The following DHRS3 variants were observed in gnomAD, a reference collection of about 807,000 sequenced individuals.
The protein encoded by DHRS3 is dehydrogenase/reductase 3.
In DHRS3, 14 loss-of-function variants were observed where a neutral mutation model predicts 27.2. That is an observed-to-expected ratio of 0.52 (90% confidence interval 0.34 to 0.81). The LOEUF is 0.81. DHRS3 is among the 30% of genes least tolerant of loss of function. The probability of loss-of-function intolerance (pLI) is 0.01; values close to 1 mark genes in which losing one functional copy is unlikely to be tolerated. For missense variants in DHRS3, 322 were observed against 406.2 expected, an observed-to-expected ratio of 0.79 and a Z score of 1.78; for synonymous variants, 165 against 175.9, an observed-to-expected ratio of 0.94 and a Z score of 0.49.
At position 12,617,208 on chromosome 1, in the gene DHRS3, C is replaced by T. The variant is rs1646950157; in HGVS notation, c.141G>A (p.Gly47=). ...SRENVLITGG[G]RGIGRQLARE... The stretch of plus-strand genomic sequence containing the variant: ...GGGCGAGCTGACGCCCGATGCCTCT[C>T]CCGCCGCCGGTGATGAGGACGTTCT... Residue 47 remains glycine (G), a synonymous_variant, in exon 1 of 6, where the codon GGG becomes GGA. Coordinates refer to ENST00000616661, the MANE Select transcript of DHRS3 (RefSeq NM_004753.7). 1 of 1,613,392 alleles carries T rather than the reference C, an allele frequency of 6.2e-7. No homozygotes were observed. The highest frequency in any genetic ancestry group is 8.5e-7 in the Non-Finnish European group (1 of 1,179,900).
At position 12,568,188 on chromosome 1, in the gene DHRS3, G is replaced by T; in HGVS notation, c.*152C>A. 1 of 718,636 alleles carries T rather than the reference G, an allele frequency of 1.4e-6. No individual in the cohort carries two copies. Among genetic ancestry groups the T allele is most frequent in the Non-Finnish European group, 2.4e-6 (1 of 413,150 alleles). 44.5% of individuals were successfully genotyped at this position (718,636 alleles called of 1,614,324 possible). A position where few individuals can be genotyped will look rare whatever the true frequency, so the allele number is the denominator to read the frequency against. ...CATCAGTCCTGTGCAAAGGTCCTGG[G>T]ACTGGCCCAGGGGCAGCCGGATTCT... On this transcript the variant is annotated 3_prime_UTR_variant, in exon 6 of 6. Coordinates refer to ENST00000616661, the MANE Select transcript of DHRS3 (RefSeq NM_004753.7).
Position 12,591,580 on chromosome 1 carries a change from T to G in DHRS3, c.196-10914A>C, listed in dbSNP as rs1473890480. Among the ~76,000 whole-genome samples the G allele has an allele frequency of 6.6e-6, 1 of 152,214 alleles. No individual in the cohort carries two copies. Among genetic ancestry groups the G allele is most frequent in the Non-Finnish European group, 1.5e-5 (1 of 68,038 alleles). ...TGGGAGGCACAGGAATGACAGTAGC[T>G]CTGACATGCACGTGGGGCTCACTAG... On this transcript the variant is annotated intron_variant, in intron 1 of 5. Coordinates refer to ENST00000616661, the MANE Select transcript of DHRS3 (RefSeq NM_004753.7). The surrounding 1 kb of genome is among the most constrained non-coding windows in gnomAD (Gnocchi z 4.1).
In DHRS3 at chr1:12,577,857, G is replaced by A. The variant is rs142946624; in HGVS notation, c.698+861C>T. Among the ~76,000 whole-genome samples, 212 of 152,220 alleles carry A rather than the reference G, an allele frequency of 1.4e-3. 1 individual carries two copies. The highest frequency in any genetic ancestry group is 2.7e-3 in the South Asian group (13 of 4,818). On this transcript the variant is annotated intron_variant, in intron 4 of 5. Transcript: ENST00000616661. ...CTAAATAAACAAACAAATAAATTGA[G>A]CTATAATTTGCATATAACAAAAGGT...
Position 12,618,121 on chromosome 1 carries a change from G to A in DHRS3, c.-773C>T, listed in dbSNP as rs552081387. 9.2e-5 allele frequency among the ~76,000 whole-genome samples: 14 copies of A among 152,100 alleles called. 1 individual carries two copies. Among genetic ancestry groups the A allele is most frequent in the Admixed American group, 7.2e-4 (11 of 15,286 alleles). On this transcript the variant is annotated 5_prime_UTR_variant, in exon 1 of 6. Transcript: ENST00000616661. The surrounding 1 kb of genome is among the most constrained non-coding windows in gnomAD (Gnocchi z 4.2). Reference sequence around the variant, plus strand: ...AGGCTGGGAGTTGCCGCTCGATCCAGCTCCCCTTCTCTCCCTTTTTAGCAT... The same window carrying A: ...AGGCTGGGAGTTGCCGCTCGATCCAACTCCCCTTCTCTCCCTTTTTAGCAT...
chr1:12,585,132 A>AGT (rs1208411271), intron 1 of DHRS3, among the ~76,000 whole-genome samples: 14 of 78,366 alleles, frequency 1.8e-4, no homozygotes, highest in African/African-American at 5.8e-4. Flanking sequence ...TGTGAGAGAG[A>AGT]GTGTGTGTGT....
At chr1:12,612,032 T>C (rs930969594) in intron 1 of DHRS3, among the ~76,000 whole-genome samples, 2 of 152,094 alleles carry the variant, frequency 1.3e-5, no homozygotes, top group African/African-American at 4.8e-5. Flanking sequence ...GTAGACACCT[T>C]TGTTCCCCCA....
intron 1 of DHRS3, among the ~76,000 whole-genome samples, chr1:12,583,607 ATCC>A (rs1646666494): frequency 1.5e-5 from 2 of 136,520 alleles, no homozygotes; most frequent in Admixed American, 7.2e-5. Flanking sequence ...CCATCCATCC[ATCC>A]ATCCATCCAT....
chr1:12,612,602 C>G (rs1411070623), intron 1 of DHRS3, among the ~76,000 whole-genome samples: 1 of 152,206 alleles, frequency 6.6e-6, no homozygotes, highest in African/African-American at 2.4e-5. Context: ...CTCCTCTGTG[C>G]TTCCACTGTG....
chr1:12,617,126 C>G (rs771836777), intron 1 of DHRS3, 28 bp downstream of exon 1: 5 of 1,596,774 alleles, frequency 3.1e-6, no homozygotes, highest in Non-Finnish European at 4.3e-6. Context: ...TGCGGCCCCC[C>G]ACTCCCTGGA....
rs80025746 is a variant in DHRS3 at position 12,592,508 on chromosome 1, C to T, written c.196-11842G>A. Among the ~76,000 whole-genome samples, 33 of 152,254 alleles carry T rather than the reference C, an allele frequency of 2.2e-4. No individual in the cohort carries two copies. Among genetic ancestry groups the T allele is most frequent in the African/African-American group, 7.5e-4 (31 of 41,552 alleles). On this transcript the variant is annotated intron_variant, in intron 1 of 5. Transcript: ENST00000616661. The surrounding 1 kb of genome is among the most constrained non-coding windows in gnomAD (Gnocchi z 4.2). Reference sequence around the variant, plus strand: ...GGCAGTGAGGCGGCCACAAGCCACGCGATGCCAGGAGCTGCCAAGAGCCAC... The same window carrying T: ...GGCAGTGAGGCGGCCACAAGCCACGTGATGCCAGGAGCTGCCAAGAGCCAC...
intron 1 of DHRS3, among the ~76,000 whole-genome samples, chr1:12,590,516 G>T (rs1011750210): frequency 6.6e-6 from 1 of 151,972 alleles, no homozygotes; most frequent in Non-Finnish European, 1.5e-5. Flanking sequence ...CTCCATGTTG[G>T]CCAAGCTGGT....
At chr1:12,581,516 G>A (rs1646643679) in intron 1 of DHRS3, among the ~76,000 whole-genome samples, 1 of 152,198 alleles carries the variant, frequency 6.6e-6, no homozygotes, top group Non-Finnish European at 1.5e-5. Flanking sequence ...CCACTGAGAA[G>A]GAAGCATGGC....
At position 12,574,917 on chromosome 1, in the gene DHRS3, C is replaced by T. The variant is rs188443853; in HGVS notation, c.699-2064G>A. ...AACTTTGCTTCTCTGAGCCTCAGTT[C>T]CCTCATCTGTAAAATGGGAATAAAA... On this transcript the variant is annotated intron_variant, in intron 4 of 5. Transcript: ENST00000616661. The surrounding 1 kb of genome is among the most constrained non-coding windows in gnomAD (Gnocchi z 4.6). Among the ~76,000 whole-genome samples, 56 of 152,248 alleles carry T rather than the reference C, an allele frequency of 3.7e-4. No individual in the cohort carries two copies. The highest frequency in any genetic ancestry group is 1.3e-3 in the African/African-American group (53 of 41,546).
intron 5 of DHRS3, among the ~76,000 whole-genome samples, chr1:12,569,212 TGTC>T (rs1452089738): frequency 0.15 from 27 of 184 alleles, no homozygotes; most frequent in Non-Finnish European, 0.27. Context: ...AGTAAAACTC[TGTC>T]CCCTCTCTCT....
rs1229555359 is a variant in DHRS3 at position 12,591,226 on chromosome 1, G to A, written c.196-10560C>T. On this transcript the variant is annotated intron_variant, in intron 1 of 5. Transcript: ENST00000616661. The surrounding 1 kb of genome is among the most constrained non-coding windows in gnomAD (Gnocchi z 4.1). ...AGGTGCCCCACGGCTGACCCCAGGAGGTCAGAGGTGACAGAAGCCACTGGG... is the reference window on the plus strand; with the variant it reads ...AGGTGCCCCACGGCTGACCCCAGGAAGTCAGAGGTGACAGAAGCCACTGGG... Among the ~76,000 whole-genome samples the A allele has an allele frequency of 6.6e-6, 1 of 152,226 alleles. No individual in the cohort carries two copies. The highest frequency in any genetic ancestry group is 1.5e-5 in the Non-Finnish European group (1 of 68,034).
intron 3 of DHRS3, 161 bp downstream of exon 3, chr1:12,579,132 T>G (rs768921179): frequency 7.4e-7 from 1 of 1,352,946 alleles, no homozygotes; most frequent in South Asian, 1.3e-5. Flanking sequence ...TTTCACAAAG[T>G]CTGATGTGTC....
chr1:12,609,674 A>T (rs998594592), intron 1 of DHRS3, among the ~76,000 whole-genome samples: 1 of 152,034 alleles, frequency 6.6e-6, no homozygotes, highest in South Asian at 2.1e-4. Flanking sequence ...CCCTGGCCTG[A>T]CACCTCCACC....
intron 1 of DHRS3, among the ~76,000 whole-genome samples, chr1:12,589,253 C>T (rs970043063): frequency 1.6e-4 from 24 of 152,170 alleles, no homozygotes; most frequent in Non-Finnish European, 2.2e-4. Context: ...GACCCTTTCT[C>T]GAGTAGAGCA....
rs1646746214 is a variant in DHRS3 at position 12,591,609 on chromosome 1, G to A, written c.196-10943C>T. Among the ~76,000 whole-genome samples the A allele has an allele frequency of 6.6e-6, 1 of 152,236 alleles. No homozygotes were observed. Among genetic ancestry groups the A allele is most frequent in the Non-Finnish European group, 1.5e-5 (1 of 68,038 alleles). On this transcript the variant is annotated intron_variant, in intron 1 of 5. Transcript: ENST00000616661. The surrounding 1 kb of genome is among the most constrained non-coding windows in gnomAD (Gnocchi z 4.1). ...ACATGCACGTGGGGCTCACTAGCTGGCCACACTGCCTCAGCATGGGTGCCG... is the reference window on the plus strand; with the variant it reads ...ACATGCACGTGGGGCTCACTAGCTGACCACACTGCCTCAGCATGGGTGCCG...
Sources: gnomAD v4.1 joint callset for allele counts (sites outside exome capture counted in the v4.1 genomes callset) on GRCh38, gnomAD v4.1.1 for gene constraint, Gnocchi (gnomAD v3.1) non-coding constraint, MANE v1.5 for transcripts, NCBI Gene and HGNC (gene_info 2026-07-23, HGNC 2026-07-21) for gene names.